Variants in GRIN2B observed in about 807,000 individuals in gnomAD.
GRIN2B encodes glutamate receptor ionotropic, NMDA 2B.
Under a neutral mutation model 114.5 loss-of-function variants are expected in GRIN2B, and 5 were observed. The ratio of observed to expected loss-of-function variants is 0.04; its 90% confidence interval spans 0.02 to 0.09. The LOEUF is 0.09. Ranked by LOEUF, GRIN2B falls within the 10% of genes least tolerant of loss-of-function variation. GRIN2B has a pLI of 1.00. For missense variants in GRIN2B, 1,108 were observed against 1,943.5 expected (o/e 0.57, Z 8.08); for synonymous variants, 787 against 745.1 (o/e 1.06, Z -0.92).
In GRIN2B at chr12:13,933,513, G is replaced by T. The variant is rs187880199; in HGVS notation, c.-19+46415C>A. Among the ~76,000 whole-genome samples, 3 of 152,236 alleles carry T rather than the reference G, an allele frequency of 2.0e-5. No homozygotes were observed. In the East Asian group the frequency reaches 5.8e-4, roughly 29 times the overall value. On this transcript the variant is annotated intron_variant, in intron 2 of 13. Transcript: ENST00000609686. Reference sequence around the variant, plus strand: ...TGAATATCCTTACACTTACAGTTCTGTTCTATTTTTACTCTCCACTTAACC... The same window carrying T: ...TGAATATCCTTACACTTACAGTTCTTTTCTATTTTTACTCTCCACTTAACC...
intron 4 of GRIN2B, among the ~76,000 whole-genome samples, chr12:13,711,314 A>G (rs1384616648): frequency 6.6e-6 from 1 of 152,102 alleles, no homozygotes; most frequent in African/African-American, 2.4e-5. Flanking sequence ...GGACATAGGC[A>G]TGGGCAAGTA....
intron 2 of GRIN2B, among the ~76,000 whole-genome samples, chr12:13,890,449 G>A (rs952520813): frequency 9.9e-5 from 15 of 152,120 alleles, no homozygotes; most frequent in Admixed American, 5.9e-4. Context: ...GATCGTTTGC[G>A]GAGGACTGGA....
intron 3 of GRIN2B, among the ~76,000 whole-genome samples, chr12:13,764,252 T>C (rs1863735074): frequency 6.6e-6 from 1 of 150,994 alleles, no homozygotes; most frequent in South Asian, 2.1e-4. Context: ...GCCAACACAG[T>C]CAAGAGACAC....
At chr12:13,966,747 T>C (rs58155218) in intron 2 of GRIN2B, among the ~76,000 whole-genome samples, 9,383 of 152,282 alleles carry the variant, frequency 0.062, 340 homozygotes, top group Middle Eastern at 0.13. Context: ...TTAATATTTA[T>C]ACAATGCCTA....
chr12:13,615,316 GACC>G lies in GRIN2B; in HGVS notation c.1501-52_1501-50del, dbSNP rs1565477649. On this transcript the variant is annotated intron_variant, in intron 7 of 13. Coordinates refer to ENST00000609686, the MANE Select transcript of GRIN2B (RefSeq NM_000834.5). This position sits in a 1 kb window ranked among gnomAD's most constrained non-coding sequence, Gnocchi z 5.8. ...AATTAAAACATTCAGGAGGGCAAGG[GACC>G]ACCACAAGGAAAATACAGCCTATCA... 6.3e-7 allele frequency: 1 copy of G among 1,588,510 alleles called. No homozygotes were observed.
chr12:13,587,049 TAC>T (rs1263504830), intron 10 of GRIN2B, among the ~76,000 whole-genome samples: 3 of 152,222 alleles, frequency 2.0e-5, no homozygotes, highest in Non-Finnish European at 4.4e-5. Flanking sequence ...TCATTGAGTT[TAC>T]AGTCTAGTAT....
chr12:13,566,278 A>G (rs931608119), intron 13 of GRIN2B, among the ~76,000 whole-genome samples: 2 of 152,194 alleles, frequency 1.3e-5, no homozygotes, highest in African/African-American at 4.8e-5. Context: ...TGGAACCTAG[A>G]CCTTCATTCT....
At chr12:13,584,484 A>C (rs561289336) in intron 10 of GRIN2B, among the ~76,000 whole-genome samples, 2 of 152,196 alleles carry the variant, frequency 1.3e-5, no homozygotes, top group South Asian at 2.1e-4. Context: ...TATATGAAAA[A>C]CTCCATTCAA....
chr12:13,615,309 G>T lies in GRIN2B; in HGVS notation c.1501-42C>A. 1 of 1,601,468 alleles carries T rather than the reference G, an allele frequency of 6.2e-7. No homozygotes were observed. Among genetic ancestry groups the T allele is most frequent in the South Asian group, 1.1e-5 (1 of 90,762 alleles). On this transcript the variant is annotated intron_variant, in intron 7 of 13. Transcript: ENST00000609686. This position sits in a 1 kb window ranked among gnomAD's most constrained non-coding sequence, Gnocchi z 5.8. ...ATGCTCCAATTAAAACATTCAGGAG[G>T]GCAAGGGACCACCACAAGGAAAATA...
chr12:13,798,576 A>G (rs1012069578), intron 3 of GRIN2B, among the ~76,000 whole-genome samples: 2 of 152,350 alleles, frequency 1.3e-5, no homozygotes, highest in Admixed American at 1.3e-4. Flanking sequence ...TATGCTTATT[A>G]TCATATGTAT....
rs537447932 is a variant in GRIN2B at position 13,945,876 on chromosome 12, C to T, written c.-19+34052G>A. 9.2e-5 allele frequency among the ~76,000 whole-genome samples: 14 copies of T among 152,282 alleles called. No individual in the cohort carries two copies. In the South Asian group the frequency reaches 2.7e-3, roughly 29 times the overall value. On this transcript the variant is annotated intron_variant, in intron 2 of 13. Coordinates refer to ENST00000609686, the MANE Select transcript of GRIN2B (RefSeq NM_000834.5). ...TACATTTAATTCCAAGGAATGACTA[C>T]AGATGCCAAACAGGGCAGCCTAGGA...
intron 3 of GRIN2B, among the ~76,000 whole-genome samples, chr12:13,768,937 G>C (rs569868676): frequency 1.8e-4 from 28 of 152,150 alleles, no homozygotes; most frequent in African/African-American, 6.5e-4. Flanking sequence ...AGGAGACTGA[G>C]GCAGGAGAAT....
chr12:13,792,981 CT>C (rs765903413), intron 3 of GRIN2B, among the ~76,000 whole-genome samples: 21 of 152,178 alleles, frequency 1.4e-4, no homozygotes, highest in Non-Finnish European at 2.6e-4. Context: ...GATCTGGACT[CT>C]TAGTAATATT....
intron 4 of GRIN2B, among the ~76,000 whole-genome samples, chr12:13,730,277 A>G (rs954606069): frequency 6.6e-5 from 10 of 152,176 alleles, no homozygotes; most frequent in Admixed American, 6.5e-4. Context: ...TAATGATTAC[A>G]CTTTCCAAAT....
At chr12:13,793,970 G>A (rs546879934) in intron 3 of GRIN2B, among the ~76,000 whole-genome samples, 1 of 137,024 alleles carries the variant, frequency 7.3e-6, no homozygotes, top group East Asian at 2.1e-4. Context: ...GGGAGGCCAA[G>A]ACAGGCAGAT....
chr12:13,899,232 G>C (rs1866404585), intron 2 of GRIN2B, among the ~76,000 whole-genome samples: 1 of 151,540 alleles, frequency 6.6e-6, no homozygotes, highest in Admixed American at 6.6e-5. Flanking sequence ...CTATTGTTTT[G>C]AAGTCAAAAA....
At chr12:13,893,390 T>G (rs539591327) in intron 2 of GRIN2B, among the ~76,000 whole-genome samples, 1 of 152,160 alleles carries the variant, frequency 6.6e-6, no homozygotes, top group South Asian at 2.1e-4. Context: ...CAAAAAAGGT[T>G]TTAATAAAAT....
chr12:13,642,890 T>C (rs573005929), intron 5 of GRIN2B, among the ~76,000 whole-genome samples: 1 of 152,298 alleles, frequency 6.6e-6, no homozygotes, highest in South Asian at 2.1e-4. Flanking sequence ...CTTTGGGTTT[T>C]GGGACGTAGA....
At chr12:13,914,067 A>T (rs1866669455) in intron 2 of GRIN2B, among the ~76,000 whole-genome samples, 1 of 152,136 alleles carries the variant, frequency 6.6e-6, no homozygotes, top group Non-Finnish European at 1.5e-5. Flanking sequence ...TAGAAGAAAA[A>T]TTTACTTCAG....
Sources: allele counts gnomAD v4.1 joint callset (sites outside exome capture counted in the v4.1 genomes callset), GRCh38; gene constraint gnomAD v4.1.1; non-coding constraint Gnocchi (gnomAD v3.1); transcripts MANE v1.5; gene names NCBI Gene and HGNC (gene_info 2026-07-23, HGNC 2026-07-21).